The following SPECC1 variants were observed in gnomAD, a reference collection of about 807,000 sequenced individuals.
SPECC1 encodes sperm antigen with calponin homology and coiled-coil domains 1, also known as cytospin-B.
A neutral mutation model predicts 104.1 loss-of-function variants in SPECC1; 62 were observed. That is an observed-to-expected ratio of 0.60 (90% confidence interval 0.49 to 0.74). The LOEUF is 0.74. Among genes scored for constraint, SPECC1 ranks in the 30% least tolerant of loss-of-function variants. The pLI is 0.00. For synonymous variants in SPECC1, 513 were observed against 501.6 expected, an observed-to-expected ratio of 1.02 and a Z score of -0.30; for missense variants, 1,306 against 1,310.5, an observed-to-expected ratio of 1.00 and a Z score of 0.05.
chr17:20,261,504 A>C (rs78698595), intron 12 of SPECC1, among the ~76,000 whole-genome samples: 2 of 149,078 alleles, frequency 1.3e-5, no homozygotes, highest in Middle Eastern at 3.4e-3. Context: ...TCCGTCTCAA[A>C]AAAAAAAAAA....
At chr17:20,089,218 T>C (rs1338411664) in intron 1 of SPECC1, among the ~76,000 whole-genome samples, 6 of 152,058 alleles carry the variant, frequency 3.9e-5, no homozygotes, top group Non-Finnish European at 8.8e-5. Flanking sequence ...AACTATAAAA[T>C]GGGGATGACA....
At chr17:20,052,547 C>CT (rs2045814044) in intron 1 of SPECC1, among the ~76,000 whole-genome samples, 1 of 152,206 alleles carries the variant, frequency 6.6e-6, no homozygotes, top group Non-Finnish European at 1.5e-5. Flanking sequence ...ATCCATACTA[C>CT]TAGAGGCCCA....
intron 2 of SPECC1, among the ~76,000 whole-genome samples, chr17:20,106,536 A>G (rs1003665950): frequency 1.3e-5 from 2 of 152,162 alleles, no homozygotes; most frequent in African/African-American, 4.8e-5. Flanking sequence ...TAATCCCCAC[A>G]TGTCACAGGA....
At chr17:20,158,713 G>A (rs540262556) in intron 3 of SPECC1, among the ~76,000 whole-genome samples, 1 of 152,340 alleles carries the variant, frequency 6.6e-6, no homozygotes, top group African/African-American at 2.4e-5. Flanking sequence ...GCTGGAAGCT[G>A]TCAGCCCTCT....
At chr17:20,086,810 G>A (rs1316370116) in intron 1 of SPECC1, among the ~76,000 whole-genome samples, 2 of 152,180 alleles carry the variant, frequency 1.3e-5, no homozygotes, top group Non-Finnish European at 2.9e-5. Context: ...GGTCCTCATC[G>A]TTCAAATGCA....
At chr17:20,156,746 C>G (rs561319433) in intron 3 of SPECC1, among the ~76,000 whole-genome samples, 252 of 152,302 alleles carry the variant, frequency 1.7e-3, no homozygotes, top group African/African-American at 5.7e-3. Flanking sequence ...CTGGTTATCC[C>G]GTTTTTACTT....
chr17:20,268,240 C>T (rs950315008), intron 12 of SPECC1, among the ~76,000 whole-genome samples: 4 of 152,278 alleles, frequency 2.6e-5, no homozygotes, highest in Admixed American at 6.5e-5. Context: ...GGACAGATGA[C>T]GTCTTTGAAC....
At chr17:20,291,366 C>T (rs1300028372) in intron 12 of SPECC1, among the ~76,000 whole-genome samples, 1 of 152,232 alleles carries the variant, frequency 6.6e-6, no homozygotes, top group Non-Finnish European at 1.5e-5. Context: ...ACATGTGCTT[C>T]AGAGGCAAAT....
chr17:20,258,397 TG>T (rs1224553485), intron 11 of SPECC1, among the ~76,000 whole-genome samples: 1 of 152,208 alleles, frequency 6.6e-6, no homozygotes, highest in African/African-American at 2.4e-5. Context: ...CCCTTTCCAG[TG>T]CCCCTGGTCG....
Position 20,086,267 on chromosome 17 carries a change from G to A in SPECC1, c.-21-10364G>A, listed in dbSNP as rs369804865. ...GCCTCAGAATTTTCCTGGGGAAGTA[G>A]CTCTTTCCATGTTGCCTTGATGGCC... On this transcript the variant is annotated intron_variant, in intron 1 of 14. Coordinates refer to ENST00000395527, the MANE Select transcript of SPECC1 (RefSeq NM_001243439.2). 1.8e-4 allele frequency among the ~76,000 whole-genome samples: 27 copies of A among 152,292 alleles called. 1 individual carries two copies. In the East Asian group the frequency reaches 3.1e-3, roughly 17 times the overall value.
At chr17:20,133,805 T>C (rs1221190932) in intron 3 of SPECC1, among the ~76,000 whole-genome samples, 1 of 152,212 alleles carries the variant, frequency 6.6e-6, no homozygotes. Context: ...GTGTGATCTG[T>C]TGTCAAAGCC....
intron 1 of SPECC1, among the ~76,000 whole-genome samples, chr17:20,093,069 T>C (rs961865712): frequency 1.3e-5 from 2 of 152,242 alleles, no homozygotes; most frequent in Admixed American, 6.5e-5. Flanking sequence ...TTTCCCCACC[T>C]GTGAAATGGA....
chr17:20,067,318 T>C (rs1470603360), intron 1 of SPECC1: 3 of 152,112 alleles, frequency 2.0e-5, no homozygotes, highest in African/African-American at 7.2e-5. Context: ...CTGATTTTTG[T>C]ATTTAGTAGA....
intron 7 of SPECC1, among the ~76,000 whole-genome samples, chr17:20,241,198 C>G (rs185031475): frequency 9.8e-5 from 15 of 152,340 alleles, no homozygotes; most frequent in African/African-American, 2.4e-4. Flanking sequence ...TTGGGAAATT[C>G]ACCTGTACCC....
intron 3 of SPECC1, among the ~76,000 whole-genome samples, chr17:20,149,911 C>T (rs1365917059): frequency 6.6e-6 from 1 of 152,116 alleles, no homozygotes; most frequent in Non-Finnish European, 1.5e-5. Flanking sequence ...GTAATTATTT[C>T]TCAACAAATG....
At chr17:20,167,171 G>C (rs1157952890) in intron 3 of SPECC1, among the ~76,000 whole-genome samples, 1 of 147,024 alleles carries the variant, frequency 6.8e-6, no homozygotes, top group Non-Finnish European at 1.5e-5. Flanking sequence ...ATTATATATA[G>C]TGTATGTAAT....
At chr17:20,234,028 C>T (rs1352747050) in intron 7 of SPECC1, among the ~76,000 whole-genome samples, 1 of 152,138 alleles carries the variant, frequency 6.6e-6, no homozygotes, top group Admixed American at 6.5e-5. Context: ...CTATGAGATG[C>T]CATGTTTCTT....
At chr17:20,099,614 G>A (rs1223713507) in intron 2 of SPECC1, among the ~76,000 whole-genome samples, 2 of 137,810 alleles carry the variant, frequency 1.5e-5, no homozygotes, top group East Asian at 4.6e-4. Flanking sequence ...AGAATTGCTT[G>A]AACCTGGGAG....
chr17:20,170,384 T>C (rs1263224602), intron 3 of SPECC1, among the ~76,000 whole-genome samples: 1 of 152,254 alleles, frequency 6.6e-6, no homozygotes, highest in Non-Finnish European at 1.5e-5. Flanking sequence ...TCAAAACGAA[T>C]GTGGTTGGCC....
Sources: gnomAD v4.1 joint callset for allele counts (sites outside exome capture counted in the v4.1 genomes callset) on GRCh38, gnomAD v4.1.1 for gene constraint, MANE v1.5 for transcripts, NCBI Gene and HGNC (gene_info 2026-07-23, HGNC 2026-07-21) for gene names.